KCNH1: variants seen among roughly 807,000 people sequenced by gnomAD.
KCNH1 encodes the protein potassium voltage-gated channel subfamily H member 1, also known as voltage-gated delayed rectifier potassium channel KCNH1.
KCNH1 carries 27 observed loss-of-function variants against 69.2 expected under a neutral mutation model. The observed-to-expected ratio is 0.39, with a 90% CI of 0.29 to 0.54. The LOEUF is 0.54. Among genes scored for constraint, KCNH1 ranks in the 20% least tolerant of loss-of-function variants. The pLI, the probability that KCNH1 is intolerant of heterozygous loss-of-function variation, is 0.68. For synonymous variants in KCNH1, 456 were observed against 487.7 expected (o/e 0.93, Z 0.86); for missense variants, 798 against 1,261.6 (o/e 0.63, Z 5.57).
At chr1:210,726,585 C>T (rs923836988) in intron 10 of KCNH1, among the ~76,000 whole-genome samples, 3 of 152,218 alleles carry the variant, frequency 2.0e-5, no homozygotes, top group Non-Finnish European at 2.9e-5. Flanking sequence ...TTTCTGTGGA[C>T]AGAGCCTGTG....
chr1:210,737,727 C>T lies in KCNH1; in HGVS notation c.2112+37621G>A, dbSNP rs145181828. On this transcript the variant is annotated intron_variant, in intron 10 of 10. Coordinates refer to ENST00000271751, the MANE Select transcript of KCNH1 (RefSeq NM_172362.3). ...TCCTTCCAGTTCATCAGGCCAAAGG[C>T]CTTGCAACTGTCCACTCTCAAACAC... is the stretch of plus-strand genomic sequence containing the variant. 2.3e-4 allele frequency among the ~76,000 whole-genome samples: 35 copies of T among 152,324 alleles called. No homozygotes were observed. In the East Asian group the frequency reaches 4.8e-3, roughly 21 times the overall value.
chr1:210,849,191 A>G (rs1685627579), intron 7 of KCNH1, among the ~76,000 whole-genome samples: 1 of 152,142 alleles, frequency 6.6e-6, no homozygotes, highest in Admixed American at 6.5e-5. Context: ...ACATTCTACT[A>G]TATGGATACA....
intron 7 of KCNH1, among the ~76,000 whole-genome samples, chr1:210,841,062 A>C (rs1685397379): frequency 6.6e-6 from 1 of 152,146 alleles, no homozygotes. Context: ...CCTGTTCCTC[A>C]TACTTAAAAA....
chr1:210,727,814 G>C (rs1259669397), intron 10 of KCNH1, among the ~76,000 whole-genome samples: 2 of 152,170 alleles, frequency 1.3e-5, no homozygotes, highest in Admixed American at 1.3e-4. Flanking sequence ...GGAATAGGAA[G>C]GAGTAAAGCT....
intron 4 of KCNH1, among the ~76,000 whole-genome samples, chr1:211,085,054 G>T (rs1217440476): frequency 6.6e-6 from 1 of 152,190 alleles, no homozygotes; most frequent in Non-Finnish European, 1.5e-5. Context: ...CCAGGCTGGG[G>T]AGTCAAAGCA....
intron 10 of KCNH1, among the ~76,000 whole-genome samples, chr1:210,730,971 C>A (rs1320559882): frequency 1.3e-5 from 2 of 152,178 alleles, no homozygotes; most frequent in African/African-American, 4.8e-5. Flanking sequence ...CTTGTCCTGT[C>A]TTTTTAACTC....
chr1:211,078,618 A>G (rs1437658304), intron 5 of KCNH1, among the ~76,000 whole-genome samples: 2 of 152,228 alleles, frequency 1.3e-5, no homozygotes, highest in Admixed American at 6.5e-5. Flanking sequence ...CATTTAAAGC[A>G]GTATGTAGAG....
At chr1:210,872,314 T>C (rs1027425689) in intron 7 of KCNH1, among the ~76,000 whole-genome samples, 3 of 152,134 alleles carry the variant, frequency 2.0e-5, no homozygotes, top group Non-Finnish European at 4.4e-5. Context: ...ACTGACCTGA[T>C]GATTATAATT....
intron 7 of KCNH1, among the ~76,000 whole-genome samples, chr1:210,900,212 G>A (rs1285929174): frequency 6.6e-6 from 1 of 152,182 alleles, no homozygotes; most frequent in Non-Finnish European, 1.5e-5. Flanking sequence ...GCAATGCCTG[G>A]AAGGAAAGTA....
At chr1:210,685,558 A>G (rs1356820741) in intron 10 of KCNH1, among the ~76,000 whole-genome samples, 1 of 152,218 alleles carries the variant, frequency 6.6e-6, no homozygotes, top group Non-Finnish European at 1.5e-5. Flanking sequence ...GGAACCTCAC[A>G]GAGGTATCTT....
intron 7 of KCNH1, among the ~76,000 whole-genome samples, chr1:210,827,839 TTC>T (rs1296218183): frequency 6.6e-6 from 1 of 152,142 alleles, no homozygotes; most frequent in Non-Finnish European, 1.5e-5. Context: ...CTCTCTTGTT[TTC>T]TGTTTGTTTG....
intron 4 of KCNH1, among the ~76,000 whole-genome samples, chr1:211,084,000 T>C (rs1690907439): frequency 1.3e-5 from 2 of 150,100 alleles, no homozygotes; most frequent in African/African-American, 4.9e-5. Context: ...CTCTTTTTTA[T>C]CTCATTCAAG....
In KCNH1 at chr1:211,112,507, A is replaced by T. The variant is rs200359285; in HGVS notation, c.80-5130T>A. ...TTACTTTTTATTAAATAAATAAAAA[A>T]AAAAAAAAAAAAAAAACAAGCCCAC... On this transcript the variant is annotated intron_variant, in intron 1 of 10. Transcript: ENST00000271751. Among the ~76,000 whole-genome samples the T allele has an allele frequency of 5.4e-4, 67 of 124,670 alleles. 1 individual carries two copies. The East Asian group carries it at 0.013, about 25-fold the overall frequency. The allele number at this position is 124,670 out of a possible 152,430, so 81.8% of individuals were successfully genotyped here. A position where few individuals can be genotyped will look rare whatever the true frequency, so the allele number is the denominator to read the frequency against.
At chr1:210,967,571 A>T (rs1053366541) in intron 6 of KCNH1, among the ~76,000 whole-genome samples, 37 of 152,196 alleles carry the variant, frequency 2.4e-4, no homozygotes, top group African/African-American at 8.2e-4. Flanking sequence ...TACCCTAGTG[A>T]CCTGTGATGC....
At chr1:211,064,403 TA>T (rs1690491039) in intron 5 of KCNH1, among the ~76,000 whole-genome samples, 1 of 151,838 alleles carries the variant, frequency 6.6e-6, no homozygotes, top group South Asian at 2.1e-4. Flanking sequence ...TACTAAAAAA[TA>T]CAAAAAAATT....
chr1:210,926,473 T>C (rs1687576575), intron 6 of KCNH1, among the ~76,000 whole-genome samples: 1 of 152,046 alleles, frequency 6.6e-6, no homozygotes, highest in Non-Finnish European at 1.5e-5. Context: ...AAACAATCCC[T>C]GCAGTTTGGC....
intron 7 of KCNH1, among the ~76,000 whole-genome samples, chr1:210,881,527 AT>A (rs916262290): frequency 2.0e-5 from 3 of 152,212 alleles, no homozygotes; most frequent in African/African-American, 7.2e-5. Context: ...TATGATTGGT[AT>A]CATACTACTT....
chr1:210,910,223 T>A (rs998850018), intron 7 of KCNH1, among the ~76,000 whole-genome samples: 4 of 134,548 alleles, frequency 3.0e-5, no homozygotes, highest in Admixed American at 1.7e-4. Flanking sequence ...TGAAAAATGT[T>A]GCAATCCCTG....
At chr1:210,961,950 C>T (rs570057927) in intron 6 of KCNH1, among the ~76,000 whole-genome samples, 1 of 152,284 alleles carries the variant, frequency 6.6e-6, no homozygotes, top group African/African-American at 2.4e-5. Context: ...CTATTTACAG[C>T]TCTGTGTGTA....
Sources: gnomAD v4.1 joint callset for allele counts (sites outside exome capture counted in the v4.1 genomes callset) on GRCh38, gnomAD v4.1.1 for gene constraint, MANE v1.5 for transcripts, NCBI Gene and HGNC (gene_info 2026-07-23, HGNC 2026-07-21) for gene names.